The following TRMT2B variants were observed in gnomAD, a reference collection of about 807,000 sequenced individuals.
TRMT2B encodes the protein tRNA methyltransferase 2B.
A neutral mutation model predicts 39.7 loss-of-function variants in TRMT2B; 34 were observed. The observed-to-expected ratio is 0.86, with a 90% confidence interval of 0.65 to 1.14. TRMT2B has a LOEUF of 1.14. Among genes scored for constraint, TRMT2B ranks in the 50% most tolerant of loss-of-function variants. The pLI is 0.00. For missense variants in TRMT2B, 318 were observed against 377.2 expected (o/e 0.84, Z 1.30); for synonymous variants, 132 against 137.3 (o/e 0.96, Z 0.27).
At chrX:100,986,770 C>T in the TRMT2B span, 1 of 1,063,162 alleles carries the variant, frequency 9.4e-7, no homozygotes, top group South Asian at 2.2e-5. Context: ...CCACTCTTTT[C>T]CTCCCTCTCT....
At chrX:100,999,111 A>C in the TRMT2B span, among the ~76,000 whole-genome samples, 10 of 112,419 alleles carry the variant, frequency 8.9e-5, no homozygotes, top group Non-Finnish European at 1.9e-4. Context: ...ATGTATCATG[A>C]ATGTCCCTAA....
the TRMT2B span, among the ~76,000 whole-genome samples, chrX:100,988,880 A>C: frequency 6.5e-5 from 6 of 91,840 alleles, no homozygotes; most frequent in South Asian, 5.1e-4. Context: ...ATATATATAT[A>C]TCAAGAATTT....
At chrX:101,013,409 A>G in intron 13 of TRMT2B, among the ~76,000 whole-genome samples, 1 of 111,371 alleles carries the variant, frequency 9.0e-6, no homozygotes, top group Admixed American at 9.7e-5. Context: ...GAATAAAACT[A>G]ATAATAGAGT....
chrX:100,979,571 G>A, the TRMT2B span, among the ~76,000 whole-genome samples: 1 of 111,750 alleles, frequency 8.9e-6, no homozygotes, highest in Non-Finnish European at 1.9e-5. Context: ...TGTCTGAAAG[G>A]TCACTTATCT....
At chrX:101,021,586 G>A (rs761980875) in intron 9 of TRMT2B, among the ~76,000 whole-genome samples, 1 of 110,841 alleles carries the variant, frequency 9.0e-6, no homozygotes, top group East Asian at 2.8e-4. Flanking sequence ...CCAAGATTGT[G>A]CTACTGCCCT....
At chrX:101,028,421 TTC>T (rs1007935609) in intron 7 of TRMT2B, among the ~76,000 whole-genome samples, 1 of 111,031 alleles carries the variant, frequency 9.0e-6, no homozygotes, top group Non-Finnish European at 1.9e-5. Context: ...GCCCAGCCAC[TTC>T]TCTCTGTCTC....
chrX:101,014,064 G>C (rs751845704), intron 13 of TRMT2B, among the ~76,000 whole-genome samples: 31 of 111,331 alleles, frequency 2.8e-4, no homozygotes, highest in South Asian at 1.1e-3. Context: ...TCCAGCCTGG[G>C]CAACAGAGCA....
chrX:101,026,697 A>T (rs1734476019), intron 7 of TRMT2B, among the ~76,000 whole-genome samples: 1 of 111,174 alleles, frequency 9.0e-6, no homozygotes, highest in African/African-American at 3.3e-5. Context: ...AAAATAACAG[A>T]ATATTCCACC....
intron 7 of TRMT2B, among the ~76,000 whole-genome samples, chrX:101,025,959 AAAAG>A (rs1299794531): frequency 1.1e-4 from 12 of 107,162 alleles, no homozygotes; most frequent in South Asian, 4.3e-4. Flanking sequence ...AAAGAGAAAG[AAAAG>A]AAAGAAAGAA....
intron 7 of TRMT2B, 72 bp from the exon 8 acceptor site, chrX:101,023,688 T>C (rs1283186776): frequency 1.9e-6 from 2 of 1,060,613 alleles, no homozygotes; most frequent in African/African-American, 3.7e-5. Context: ...TGCTAGGTGA[T>C]TGTTTGTGTT....
the TRMT2B span, among the ~76,000 whole-genome samples, chrX:101,004,293 A>C: frequency 9.6e-6 from 1 of 103,705 alleles, no homozygotes; most frequent in African/African-American, 3.5e-5. Flanking sequence ...ACAACAACAA[A>C]CCCTCAAAAA....
intron 4 of TRMT2B, 135 bp downstream of exon 4, chrX:101,041,182 C>T (rs1008714956): frequency 5.5e-5 from 27 of 494,590 alleles, no homozygotes; most frequent in Non-Finnish European, 8.4e-5. Context: ...GCAGCCTGGG[C>T]GACAGAGCGA....
At chrX:101,006,162 G>A (rs771006733), downstream of TRMT2B, among the ~76,000 whole-genome samples, 2 of 103,854 alleles carry the variant, frequency 1.9e-5, no homozygotes, top group Admixed American at 2.1e-4. Flanking sequence ...GCGGAGAGGC[G>A]GAAGTTGCAG....
the TRMT2B span, among the ~76,000 whole-genome samples, chrX:100,995,339 C>T: frequency 8.9e-6 from 1 of 112,121 alleles, no homozygotes; most frequent in Non-Finnish European, 1.9e-5. Context: ...ATAAAATGTT[C>T]TCCCACTCCC....
At chrX:101,016,052 G>A (rs901108115) in intron 13 of TRMT2B, among the ~76,000 whole-genome samples, 10 of 111,405 alleles carry the variant, frequency 9.0e-5, no homozygotes, top group South Asian at 7.6e-4. Flanking sequence ...CCTGGGTGAC[G>A]GAGTGAGATT....
chrX:100,996,789 G>A, the TRMT2B span, among the ~76,000 whole-genome samples: 1 of 110,533 alleles, frequency 9.0e-6, no homozygotes, highest in East Asian at 2.8e-4. Context: ...GCACATGCCT[G>A]TAGTCCCAGC....
At chrX:100,990,878 T>A in the TRMT2B span, 1 of 247,660 alleles carries the variant, frequency 4.0e-6, no homozygotes, top group Non-Finnish European at 7.2e-6. Flanking sequence ...TAAACAACTT[T>A]GTTTTAAAGC....
At chrX:100,994,940 T>C in the TRMT2B span, among the ~76,000 whole-genome samples, 4 of 111,758 alleles carry the variant, frequency 3.6e-5, no homozygotes, top group South Asian at 7.6e-4. Context: ...CCAGCCCCAG[T>C]TGTGTTTTGA....
At chrX:101,046,268 C>T (rs1323418455) in intron 2 of TRMT2B, among the ~76,000 whole-genome samples, 1 of 110,949 alleles carries the variant, frequency 9.0e-6, no homozygotes, top group Non-Finnish European at 1.9e-5. Flanking sequence ...ATTTGGAGAG[C>T]AAGAAGAGAT....
Sources: allele counts gnomAD v4.1 joint callset (sites outside exome capture counted in the v4.1 genomes callset), GRCh38; gene constraint gnomAD v4.1.1; transcripts MANE v1.5; gene names NCBI Gene and HGNC (gene_info 2026-07-23, HGNC 2026-07-21).